The following THSD7A variants were observed in gnomAD, a reference collection of about 807,000 sequenced individuals.
THSD7A encodes the protein thrombospondin type 1 domain containing 7A.
Under a neutral mutation model 231.3 loss-of-function variants are expected in THSD7A, and 96 were observed. That is an observed-to-expected ratio of 0.41 (90% CI 0.35 to 0.49). The LOEUF (loss-of-function observed/expected upper bound fraction) is 0.49, where lower values mean the gene tolerates loss of function less well. Among genes scored for constraint, THSD7A ranks in the 20% least tolerant of loss-of-function variants. The pLI is 0.05. For synonymous variants in THSD7A, 940 were observed against 743.3 expected (o/e 1.26, Z -4.30); for missense variants, 2,290 against 2,070.2 (o/e 1.11, Z -2.06).
At chr7:11,534,521 G>A (rs535878690) in intron 6 of THSD7A, among the ~76,000 whole-genome samples, 1 of 152,144 alleles carries the variant, frequency 6.6e-6, no homozygotes, top group Non-Finnish European at 1.5e-5. Flanking sequence ...GAGGACACTT[G>A]GACCTTTCAG....
intron 1 of THSD7A, among the ~76,000 whole-genome samples, chr7:11,778,070 T>C (rs1329875262): frequency 7.4e-6 from 1 of 134,820 alleles, no homozygotes; most frequent in Non-Finnish European, 1.6e-5. Context: ...GGCAGGAGAA[T>C]GGCGTGAACC....
At chr7:11,510,807 C>G (rs1277471436) in intron 6 of THSD7A, among the ~76,000 whole-genome samples, 1 of 152,100 alleles carries the variant, frequency 6.6e-6, no homozygotes, top group African/African-American at 2.4e-5. Flanking sequence ...GACAGACCCA[C>G]AGCCAATATG....
intron 22 of THSD7A, 30 bp from the exon 23 acceptor site, chr7:11,401,998 C>A: frequency 6.3e-7 from 1 of 1,589,840 alleles, no homozygotes; most frequent in Non-Finnish European, 8.6e-7. Context: ...AATTTACACC[C>A]ATATCCACAG....
At chr7:11,808,366 C>G (rs949046103) in intron 1 of THSD7A, among the ~76,000 whole-genome samples, 1 of 152,134 alleles carries the variant, frequency 6.6e-6, no homozygotes, top group Non-Finnish European at 1.5e-5. Flanking sequence ...TGTGAGGACA[C>G]AGCATCCCTC....
Position 11,371,718 on chromosome 7 carries a change from G to C in THSD7A, c.*4076C>G, listed in dbSNP as rs1782059046. ...ATGGGATGGTCTAAAGCAAGTGTAG[G>C]CATGGACATTTTTACAGAAAAGGGC... On this transcript the variant is annotated 3_prime_UTR_variant, in exon 28 of 28. Transcript: ENST00000423059. 6.6e-6 allele frequency: 1 copy of C among 150,556 alleles called. No individual in the cohort carries two copies. Among genetic ancestry groups the C allele is most frequent in the Admixed American group, 6.6e-5 (1 of 15,070 alleles). The allele number at this position is 150,556 out of a possible 1,614,324, so 9.3% of individuals were successfully genotyped here.
In THSD7A at chr7:11,411,020, G is replaced by T. The variant is rs1783765802; in HGVS notation, c.3798+187C>A. Among the ~76,000 whole-genome samples the T allele has an allele frequency of 6.6e-6, 1 of 151,798 alleles. No homozygotes were observed. ...GGGCTCCAAGCAGAAGAAAATACAGGAAATTATATGTAGGAATCAGTAGTG... is the reference window on the plus strand; with the variant it reads ...GGGCTCCAAGCAGAAGAAAATACAGTAAATTATATGTAGGAATCAGTAGTG... On this transcript the variant is annotated intron_variant, in intron 19 of 27. Transcript: ENST00000423059. The surrounding 1 kb of genome is among the most constrained non-coding windows in gnomAD (Gnocchi z 4.1).
At chr7:11,694,402 C>A (rs752343750) in intron 1 of THSD7A, among the ~76,000 whole-genome samples, 2 of 151,482 alleles carry the variant, frequency 1.3e-5, no homozygotes, top group Non-Finnish European at 3.0e-5. Context: ...ATTTTTATTC[C>A]TGTTACATGT....
At chr7:11,380,625 A>G (rs1170909630) in intron 24 of THSD7A, among the ~76,000 whole-genome samples, 2 of 152,288 alleles carry the variant, frequency 1.3e-5, no homozygotes, top group East Asian at 1.9e-4. Flanking sequence ...GCCACACTGA[A>G]GTTATTATTA....
chr7:11,583,964 TCATCTCCCTCTA>T (rs1432180484), intron 4 of THSD7A, among the ~76,000 whole-genome samples: 1 of 152,218 alleles, frequency 6.6e-6, no homozygotes, highest in African/African-American at 2.4e-5. Flanking sequence ...TATTTAATTG[TCATCTCCCTCTA>T]CAGGTAAGTT....
At chr7:11,408,494 T>C (rs1783664618) in intron 19 of THSD7A, among the ~76,000 whole-genome samples, 1 of 132,302 alleles carries the variant, frequency 7.6e-6, no homozygotes, top group Non-Finnish European at 1.6e-5. Context: ...CAAGACTCTG[T>C]CTCCAAAATA....
chr7:11,803,948 G>A (rs1387257091), intron 1 of THSD7A, among the ~76,000 whole-genome samples: 1 of 152,010 alleles, frequency 6.6e-6, no homozygotes, highest in African/African-American at 2.4e-5. Flanking sequence ...ATCTAGTTAT[G>A]TACTGAAAGA....
At chr7:11,625,920 C>T (rs1001134346) in intron 2 of THSD7A, among the ~76,000 whole-genome samples, 5 of 152,022 alleles carry the variant, frequency 3.3e-5, no homozygotes, top group Non-Finnish European at 5.9e-5. Context: ...GTCACTGCCC[C>T]GATCAGCAGC....
At chr7:11,599,044 A>ACCTCT (rs1355991018) in intron 2 of THSD7A, among the ~76,000 whole-genome samples, 7 of 152,220 alleles carry the variant, frequency 4.6e-5, no homozygotes, top group African/African-American at 1.7e-4. Flanking sequence ...GGTAAGGAAA[A>ACCTCT]GTATGCATGG....
intron 1 of THSD7A, among the ~76,000 whole-genome samples, chr7:11,760,230 G>A (rs1782810207): frequency 6.6e-6 from 1 of 152,028 alleles, no homozygotes; most frequent in Non-Finnish European, 1.5e-5. Flanking sequence ...TGATATTTGG[G>A]AGATTTAGAT....
At chr7:11,421,094 G>T (rs777315167) in intron 16 of THSD7A, among the ~76,000 whole-genome samples, 1 of 152,184 alleles carries the variant, frequency 6.6e-6, no homozygotes, top group South Asian at 2.1e-4. Flanking sequence ...GCTAGAATGA[G>T]TTAAGGCTTT....
At chr7:11,393,384 A>G (rs1562573154) in intron 23 of THSD7A, among the ~76,000 whole-genome samples, 1 of 152,248 alleles carries the variant, frequency 6.6e-6, no homozygotes, top group Non-Finnish European at 1.5e-5. Context: ...TCAAAGGTAG[A>G]TAAATCCATG....
chr7:11,516,673 T>C (rs1447173950), intron 6 of THSD7A, among the ~76,000 whole-genome samples: 1 of 152,208 alleles, frequency 6.6e-6, no homozygotes, highest in East Asian at 1.9e-4. Context: ...GCTAACAATA[T>C]AAATCTCCAT....
At chr7:11,750,963 A>G (rs1285390212) in intron 1 of THSD7A, among the ~76,000 whole-genome samples, 5 of 151,822 alleles carry the variant, frequency 3.3e-5, no homozygotes, top group African/African-American at 1.2e-4. Flanking sequence ...GCATCCATCT[A>G]CCTCCTGTCC....
intron 11 of THSD7A, among the ~76,000 whole-genome samples, chr7:11,459,376 G>T (rs1211481331): frequency 6.6e-6 from 1 of 152,004 alleles, no homozygotes; most frequent in Non-Finnish European, 1.5e-5. Flanking sequence ...CCTGATTCAA[G>T]AAGGAGTTAG....
Sources: gnomAD v4.1 joint callset for allele counts (sites outside exome capture counted in the v4.1 genomes callset) on GRCh38, gnomAD v4.1.1 for gene constraint, Gnocchi (gnomAD v3.1) non-coding constraint, MANE v1.5 for transcripts, NCBI Gene and HGNC (gene_info 2026-07-23, HGNC 2026-07-21) for gene names.